The following TACC3 variants were observed in gnomAD, a reference collection of about 807,000 sequenced individuals.
TACC3 encodes the protein transforming acidic coiled-coil-containing protein 3.
In TACC3, 52 loss-of-function variants were observed where a neutral mutation model predicts 86.0. That is an observed-to-expected ratio of 0.60 (90% CI 0.48 to 0.76). TACC3 has a LOEUF of 0.76. TACC3 is among the 30% of genes least tolerant of loss of function. TACC3 has a pLI of 0.00. For missense variants in TACC3, 1,120 were observed against 1,070.4 expected (o/e 1.05, Z -0.65); for synonymous variants, 512 against 430.0 (o/e 1.19, Z -2.36).
chr4:1,736,422 C>CAAAAA (rs1164866581), intron 8 of TACC3, among the ~76,000 whole-genome samples: 692 of 65,498 alleles, frequency 0.011, 11 homozygotes, highest in Middle Eastern at 0.015. Flanking sequence ...GACTCCATCT[C>CAAAAA]AAAAAAAAAA....
chr4:1,736,540 C>G (rs969830050), intron 8 of TACC3, among the ~76,000 whole-genome samples: 1 of 152,080 alleles, frequency 6.6e-6, no homozygotes, highest in East Asian at 1.9e-4. Flanking sequence ...CATGCCCGTT[C>G]CTTTGCAAAT....
intron 10 of TACC3, among the ~76,000 whole-genome samples, chr4:1,739,098 A>G (rs1718431306): frequency 1.3e-5 from 2 of 152,150 alleles, no homozygotes; most frequent in Admixed American, 1.3e-4. Flanking sequence ...CACGAGGTCA[A>G]GAGATGGAGA....
Position 1,727,717 on chromosome 4 carries a change from C to T in TACC3, c.315C>T (p.Leu105=), listed in dbSNP as rs1017302815. The T allele has an allele frequency of 6.3e-7, 1 of 1,585,530 alleles. No individual in the cohort carries two copies. Among genetic ancestry groups the T allele is most frequent in the Non-Finnish European group, 8.6e-7 (1 of 1,164,662 alleles). ...PVWTQKENQQ[L]IKEVDAKTTH... is the part of the protein sequence containing the mutation. ...AAGTCTCTTTTAAAAGCCAACAGCT[C>T]ATCAAGGAAGTGGATGCCAAAACTA... The change falls in exon 4 of 16, where the codon CTC becomes CTT. Residue 105 remains leucine (L), a synonymous_variant. Transcript: ENST00000313288.
intron 1 of TACC3, among the ~76,000 whole-genome samples, chr4:1,722,122 C>T (rs1278375232): frequency 1.3e-5 from 2 of 152,186 alleles, no homozygotes; most frequent in Non-Finnish European, 2.9e-5. Context: ...CCCCCCGCAC[C>T]GCATCCCTCT....
In TACC3 at chr4:1,728,502, TGAG is replaced by T; in HGVS notation, c.1103_1105del (p.Arg368del). 1.2e-6 allele frequency: 2 copies of T among 1,613,738 alleles called. No homozygotes were observed. Among genetic ancestry groups the T allele is most frequent in the Non-Finnish European group, 1.7e-6 (2 of 1,179,936 alleles). On this transcript the variant is annotated inframe_deletion, in exon 4 of 16. Transcript: ENST00000313288. Reference sequence around the variant, plus strand: ...GAGAGGTCCGGCCTCAAGCCTCCCTTGAGGAAAGCAGCAGTGAGGCAGCAAAAG... The same window carrying T: ...GAGAGGTCCGGCCTCAAGCCTCCCTTGAAAGCAGCAGTGAGGCAGCAAAAG...
At position 1,730,284 on chromosome 4, in the gene TACC3, G is replaced by A. The variant is rs1178818254; in HGVS notation, c.1386-603G>A. 6 of 187,394 alleles carry A rather than the reference G, an allele frequency of 3.2e-5. 1 individual carries two copies. Among genetic ancestry groups the A allele is most frequent in the Middle Eastern group, 2.5e-3 (1 of 400 alleles). The allele number at this position is 187,394 out of a possible 1,614,324, so 11.6% of individuals were successfully genotyped here. A position where few individuals can be genotyped will look rare whatever the true frequency, so the allele number is the denominator to read the frequency against. On this transcript the variant is annotated intron_variant, in intron 4 of 15. Transcript: ENST00000313288. ...CTAGATATGACCTCGTGATCCGACC[G>A]CCTCGGCCTCCCAAAGTGCTGGGAT...
chr4:1,732,284 G>A (rs1044917461), intron 6 of TACC3, among the ~76,000 whole-genome samples: 3 of 151,480 alleles, frequency 2.0e-5, no homozygotes, highest in African/African-American at 7.3e-5. Flanking sequence ...ATTGGAGGCT[G>A]CAGTTAAATA....
At chr4:1,741,135 CAG>C (rs1718579644) in intron 13 of TACC3, 149 bp downstream of exon 13, 4 of 746,326 alleles carry the variant, frequency 5.4e-6, no homozygotes, top group East Asian at 2.7e-5. Flanking sequence ...GTGAACGAGA[CAG>C]GGTGCAGGAG....
chr4:1,744,538 G>A lies in TACC3; in HGVS notation c.2244G>A (p.Lys748=), dbSNP rs530142894. ...CCTAGAACGAAGAGTCACTGAAGAA[G>A]TGCGTGGAGGATTACCTGGCAAGGA... The part of the protein sequence containing the change: ...GYRKNEESLK[K]CVEDYLARIT... The change falls in exon 14 of 16, where the codon AAG becomes AAA. Residue 748 remains lysine (K), a synonymous_variant. Transcript: ENST00000313288. 9 of 1,613,146 alleles carry A rather than the reference G, an allele frequency of 5.6e-6. No individual in the cohort carries two copies. In the African/African-American group the frequency reaches 9.3e-5, roughly 17 times the overall value.
chr4:1,722,184 C>A (rs537033035), intron 1 of TACC3, among the ~76,000 whole-genome samples: 2 of 152,300 alleles, frequency 1.3e-5, no homozygotes, highest in East Asian at 3.9e-4. Context: ...CCCTTCTCTG[C>A]CCAGAGCCCC....
intron 8 of TACC3, among the ~76,000 whole-genome samples, chr4:1,737,004 C>T (rs1232038037): frequency 6.6e-6 from 1 of 152,134 alleles, no homozygotes; most frequent in Non-Finnish European, 1.5e-5. Flanking sequence ...TGAAGCGTCA[C>T]CGTGCTCTCC....
At position 1,723,473 on chromosome 4, in the gene TACC3, G is replaced by A; in HGVS notation, c.52G>A (p.Glu18Lys). 6.2e-7 allele frequency: 1 copy of A among 1,613,674 alleles called. No individual in the cohort carries two copies. Residue 18 changes from glutamate (E) to lysine (K), a missense_variant, in exon 2 of 16, where the codon GAA (glutamate) becomes AAA (lysine). Physicochemically the swap from Glu to Lys is moderately conservative, Grantham distance 56. Coordinates refer to ENST00000313288, the MANE Select transcript of TACC3 (RefSeq NM_006342.3). ...DKNVSNEKNTENCDFLFSPPE... is the reference protein window; with the variant it reads ...DKNVSNEKNTKNCDFLFSPPE... Reference sequence around the variant, plus strand: ...AAATGTCAGCAATGAAAAAAATACAGAAAATTGCGACTTCCTGTTTTCGCC... The same window carrying A: ...AAATGTCAGCAATGAAAAAAATACAAAAAATTGCGACTTCCTGTTTTCGCC...
chr4:1,739,714 CAGG>C lies in TACC3; in HGVS notation c.1960_1962del (p.Glu654del). On this transcript the variant is annotated inframe_deletion, in exon 11 of 16. Coordinates refer to ENST00000313288, the MANE Select transcript of TACC3 (RefSeq NM_006342.3). ...GTGGCCTGAGCAGGTAAAGGCGACA[CAGG>C]AGGAGAACCGGGAGCTGAGGAGCAG... 1.9e-6 allele frequency: 3 copies of C among 1,583,102 alleles called. No homozygotes were observed. Among genetic ancestry groups the C allele is most frequent in the African/African-American group, 1.3e-5 (1 of 74,388 alleles).
rs138731272 is a variant in TACC3 at position 1,744,605 on chromosome 4, G to A, written c.2311G>A (p.Ala771Thr). The A allele has an allele frequency of 7.9e-5, 128 of 1,613,026 alleles. No homozygotes were observed. The highest frequency in any genetic ancestry group is 1.1e-4 in the Non-Finnish European group (125 of 1,179,992). ...GAGGTACCAAGCCCTGAAGGCCCAC[G>A]CGGAGGAGAAGCTGCAGCTGTGAGT... ...GQRYQALKAHAEEKLQLANEE... is the reference protein window; with the variant it reads ...GQRYQALKAHTEEKLQLANEE... The change falls in exon 14 of 16, where the codon GCG becomes ACG. Residue 771 changes from alanine (A) to threonine (T), a missense_variant. Coordinates refer to ENST00000313288, the MANE Select transcript of TACC3 (RefSeq NM_006342.3).
chr4:1,731,913 C>T (rs750423789), intron 6 of TACC3, among the ~76,000 whole-genome samples: 14 of 152,252 alleles, frequency 9.2e-5, no homozygotes, highest in East Asian at 1.9e-4. Context: ...GGATTGCACG[C>T]GTGAGCCCCC....
chr4:1,733,824 A>G (rs1478391753), intron 6 of TACC3, among the ~76,000 whole-genome samples: 1 of 152,118 alleles, frequency 6.6e-6, no homozygotes, highest in African/African-American at 2.4e-5. Context: ...CTAAAAATAC[A>G]AAAATTAGCT....
Position 1,727,950 on chromosome 4 carries a change from A to G in TACC3, c.548A>G (p.Glu183Gly). ...KVSGSPEQAV[E>G]ENLSSYSLDR... ...TCTGGCAGCCCTGAGCAAGCCGTGG[A>G]GGAAAACCTTAGTTCCTATTCCTTA... is the stretch of plus-strand genomic sequence containing the variant. Residue 183 changes from glutamate (E) to glycine (G), a missense_variant, in exon 4 of 16, where the codon GAG (glutamate) becomes GGG (glycine). Physicochemically the swap from Glu to Gly is moderately conservative, Grantham distance 98. Transcript: ENST00000313288. The G allele has an allele frequency of 1.2e-6, 2 of 1,613,810 alleles. No individual in the cohort carries two copies. Among genetic ancestry groups the G allele is most frequent in the Non-Finnish European group, 1.7e-6 (2 of 1,180,042 alleles).
chr4:1,726,990 A>T (rs536304990), intron 3 of TACC3, among the ~76,000 whole-genome samples: 4 of 152,032 alleles, frequency 2.6e-5, no homozygotes, highest in Non-Finnish European at 5.9e-5. Flanking sequence ...AATTAGCCAG[A>T]CATGGTGGCG....
rs773412337 is a variant in TACC3, at chr4:1,723,867, A to T, written c.302A>T (p.Glu101Val). Residue 101 changes from glutamate to valine, a missense_variant, in exon 3 of 16, where the codon GAG becomes GTG. Coordinates refer to ENST00000313288, the MANE Select transcript of TACC3 (RefSeq NM_006342.3). Reference sequence around the variant, plus strand: ...TCACACCCGGTCTGGACACAGAAAGAGAAGTAAGTGTTGGTGCTGCTGGAC... The same window carrying T: ...TCACACCCGGTCTGGACACAGAAAGTGAAGTAAGTGTTGGTGCTGCTGGAC... ...ENSHPVWTQKENQQLIKEVDA... is the reference protein window; with the variant it reads ...ENSHPVWTQKVNQQLIKEVDA... 4.3e-6 allele frequency: 7 copies of T among 1,613,054 alleles called. No homozygotes were observed. The highest frequency in any genetic ancestry group is 5.9e-6 in the Non-Finnish European group (7 of 1,179,916).
Sources: gnomAD v4.1 joint callset for allele counts (sites outside exome capture counted in the v4.1 genomes callset) on GRCh38, gnomAD v4.1.1 for gene constraint, MANE v1.5 for transcripts, NCBI Gene and HGNC (gene_info 2026-07-23, HGNC 2026-07-21) for gene names.